Variants in XKR6 observed in about 807,000 individuals in gnomAD.
XKR6 encodes the protein XK-related protein 6.
Under a neutral mutation model 56.7 loss-of-function variants are expected in XKR6, and 22 were observed. The observed-to-expected ratio is 0.39, with a 90% CI of 0.28 to 0.55. XKR6 has a LOEUF of 0.55. XKR6 is among the 20% of genes least tolerant of loss of function. The pLI, the probability that XKR6 is intolerant of heterozygous loss-of-function variation, is 0.66. For missense variants in XKR6, 852 were observed against 889.0 expected (o/e 0.96, Z 0.53); for synonymous variants, 524 against 387.8 (o/e 1.35, Z -4.13).
At chr8:10,920,613 C>T (rs1800681658) in intron 2 of XKR6, among the ~76,000 whole-genome samples, 1 of 152,206 alleles carries the variant, frequency 6.6e-6, no homozygotes, top group African/African-American at 2.4e-5. Flanking sequence ...TGTACATTTC[C>T]TGCAGCTTAA....
At chr8:11,103,677 G>C (rs923116316) in intron 1 of XKR6, among the ~76,000 whole-genome samples, 2 of 152,136 alleles carry the variant, frequency 1.3e-5, no homozygotes, top group African/African-American at 4.8e-5. Flanking sequence ...ACTAAAAATG[G>C]AGCTTGCTTT....
At chr8:11,067,755 G>T (rs1413653795) in intron 1 of XKR6, among the ~76,000 whole-genome samples, 2 of 152,224 alleles carry the variant, frequency 1.3e-5, no homozygotes, top group Non-Finnish European at 2.9e-5. Context: ...CAGGTCCAGA[G>T]AATGGGGAGA....
intron 1 of XKR6, among the ~76,000 whole-genome samples, chr8:11,043,669 A>C (rs1288940134): frequency 6.6e-6 from 1 of 152,218 alleles, no homozygotes; most frequent in Non-Finnish European, 1.5e-5. Flanking sequence ...CTCCCAAACC[A>C]CTGAATGGTC....
intron 1 of XKR6, among the ~76,000 whole-genome samples, chr8:10,974,545 C>CT (rs1802498307): frequency 6.6e-6 from 1 of 152,246 alleles, no homozygotes; most frequent in African/African-American, 2.4e-5. Context: ...TGAGCCATAT[C>CT]TTTTTGCAGG....
intron 1 of XKR6, among the ~76,000 whole-genome samples, chr8:11,003,527 GATACTA>G (rs563537171): frequency 1.9e-4 from 29 of 152,292 alleles, no homozygotes; most frequent in Middle Eastern, 3.4e-3. Flanking sequence ...CTACCAGACT[GATACTA>G]ATACTATTAT....
intron 1 of XKR6, among the ~76,000 whole-genome samples, chr8:11,142,881 G>A (rs1391010987): frequency 6.6e-6 from 1 of 152,188 alleles, no homozygotes; most frequent in Non-Finnish European, 1.5e-5. Flanking sequence ...TGTCGACTAT[G>A]CTGAAAGCTC....
intron 2 of XKR6, among the ~76,000 whole-genome samples, chr8:10,907,351 C>T (rs1800214296): frequency 6.6e-6 from 1 of 151,870 alleles, no homozygotes; most frequent in Admixed American, 6.5e-5. Context: ...TTTTTTTTGC[C>T]TCTGACTTCA....
At chr8:10,915,988 G>A (rs771086476) in intron 2 of XKR6, among the ~76,000 whole-genome samples, 16 of 152,240 alleles carry the variant, frequency 1.1e-4, no homozygotes, top group Non-Finnish European at 2.2e-4. Flanking sequence ...ATGAGCGCCC[G>A]GAAGTGGAGC....
At chr8:11,167,479 T>C (rs1802137939) in intron 1 of XKR6, among the ~76,000 whole-genome samples, 1 of 152,160 alleles carries the variant, frequency 6.6e-6, no homozygotes, top group African/African-American at 2.4e-5. Context: ...GTGGTTGGCA[T>C]TGCCCAAAAA....
chr8:11,075,407 C>T (rs1011704273), intron 1 of XKR6, among the ~76,000 whole-genome samples: 1 of 152,164 alleles, frequency 6.6e-6, no homozygotes, highest in Non-Finnish European at 1.5e-5. Flanking sequence ...CCCAGAAACA[C>T]CCGGTAGGTG....
chr8:10,929,607 G>A (rs566496798), intron 1 of XKR6, among the ~76,000 whole-genome samples: 2 of 152,332 alleles, frequency 1.3e-5, no homozygotes, highest in African/African-American at 4.8e-5. Context: ...CTGCCACCTG[G>A]CTGTGTTACC....
chr8:10,980,238 C>T (rs1180006876), intron 1 of XKR6, among the ~76,000 whole-genome samples: 2 of 152,106 alleles, frequency 1.3e-5, no homozygotes, highest in African/African-American at 2.4e-5. Context: ...TTCTGGAGTG[C>T]CCAGGAGGTC....
chr8:11,097,735 A>T (rs1798311635), intron 1 of XKR6, among the ~76,000 whole-genome samples: 1 of 143,078 alleles, frequency 7.0e-6, no homozygotes, highest in Admixed American at 7.3e-5. Flanking sequence ...TGAACCCAGG[A>T]GGCGGAGGCT....
chr8:10,951,013 C>T (rs565276829), intron 1 of XKR6, among the ~76,000 whole-genome samples: 7 of 152,232 alleles, frequency 4.6e-5, no homozygotes, highest in Non-Finnish European at 7.3e-5. Context: ...GCCCCAGAAC[C>T]TCAGCAGCAT....
chr8:10,984,732 C>CTCTCTCTATATATATATATATATATATA, intron 1 of XKR6, among the ~76,000 whole-genome samples: 28 of 47,454 alleles, frequency 5.9e-4, no homozygotes, highest in Non-Finnish European at 9.7e-4. Flanking sequence ...CTCTCTCTCT[C>CTCTCTCTATATATATATATATATATATA]TATATATATA....
intron 2 of XKR6, among the ~76,000 whole-genome samples, chr8:10,907,677 C>T (rs1047955620): frequency 8.5e-5 from 13 of 152,350 alleles, no homozygotes; most frequent in African/African-American, 2.6e-4. Flanking sequence ...AAAGATCTCT[C>T]TCCATCCTCA....
intron 1 of XKR6, among the ~76,000 whole-genome samples, chr8:10,937,951 T>C (rs1251901943): frequency 6.6e-6 from 1 of 151,346 alleles, no homozygotes; most frequent in Non-Finnish European, 1.5e-5. Flanking sequence ...TCCCGGCTGC[T>C]TTGTTTACCT....
chr8:11,094,244 T>C (rs1798191787), intron 1 of XKR6, among the ~76,000 whole-genome samples: 1 of 152,012 alleles, frequency 6.6e-6, no homozygotes, highest in Non-Finnish European at 1.5e-5. Context: ...TATACATATA[T>C]ATGTATGTAT....
intron 1 of XKR6, among the ~76,000 whole-genome samples, chr8:10,941,287 C>G (rs955632327): frequency 2.1e-4 from 32 of 152,302 alleles, no homozygotes; most frequent in Middle Eastern, 3.4e-3. Context: ...GGGGCAGGAA[C>G]AGAGGGGACG....
Sources: gnomAD v4.1 joint callset for allele counts (sites outside exome capture counted in the v4.1 genomes callset) on GRCh38, gnomAD v4.1.1 for gene constraint, MANE v1.5 for transcripts, NCBI Gene and HGNC (gene_info 2026-07-23, HGNC 2026-07-21) for gene names.